The following ARSL variants were observed in gnomAD, a reference collection of about 807,000 sequenced individuals.
ARSL encodes the protein arylsulfatase L, also known as arylsulfatase E (chondrodysplasia punctata 1).
Under a neutral mutation model 31.1 loss-of-function variants are expected in ARSL, and 4 were observed. The ratio of observed to expected loss-of-function variants is 0.13; its 90% confidence interval spans 0.06 to 0.29. ARSL has a LOEUF of 0.29. Ranked by LOEUF, ARSL falls within the 10% of genes least tolerant of loss-of-function variation. The pLI, the probability that ARSL is intolerant of heterozygous loss-of-function variation, is 1.00. For missense variants in ARSL, 312 were observed against 497.8 expected, an observed-to-expected ratio of 0.63 and a Z score of 3.55; for synonymous variants, 198 against 209.9, an observed-to-expected ratio of 0.94 and a Z score of 0.49.
chrX:2,960,113 C>G (rs1162064915), intron 2 of ARSL, among the ~76,000 whole-genome samples: 7 of 95,226 alleles, frequency 7.4e-5, no homozygotes, highest in African/African-American at 2.7e-4. Flanking sequence ...ACTAAAAATA[C>G]AAAAAATTAG....
chrX:2,967,820 T>C (rs1334816571), upstream of ARSL, among the ~76,000 whole-genome samples: 1 of 111,019 alleles, frequency 9.0e-6, no homozygotes, highest in African/African-American at 3.3e-5. Flanking sequence ...CCAGTTTCGC[T>C]TTTCACCTCC....
At chrX:2,946,758 C>G (rs963114148) in intron 6 of ARSL, among the ~76,000 whole-genome samples, 2 of 110,326 alleles carry the variant, frequency 1.8e-5, no homozygotes, top group Non-Finnish European at 3.8e-5. Context: ...CAACCTCTGC[C>G]TCCCAGGTTC....
chrX:2,943,787 AT>A (rs957259799), intron 7 of ARSL, among the ~76,000 whole-genome samples: 3 of 100,890 alleles, frequency 3.0e-5, no homozygotes, highest in Non-Finnish European at 5.9e-5. Context: ...GCATGTGAAT[AT>A]TCCTGAGAAG....
At chrX:2,956,341 G>T (rs1324128342) in intron 3 of ARSL, among the ~76,000 whole-genome samples, 3 of 112,191 alleles carry the variant, frequency 2.7e-5, no homozygotes, top group Non-Finnish European at 3.8e-5. Context: ...TTCAGCAGGG[G>T]AGGATTGAAA....
chrX:2,961,696 T>C (rs2089637084), intron 1 of ARSL, among the ~76,000 whole-genome samples: 1 of 111,082 alleles, frequency 9.0e-6, no homozygotes, highest in South Asian at 3.8e-4. Flanking sequence ...ACCCTTCCAA[T>C]CCTGAAAAGA....
chrX:2,953,899 T>G (rs181252169), intron 4 of ARSL, among the ~76,000 whole-genome samples: 3 of 110,394 alleles, frequency 2.7e-5, no homozygotes, highest in Admixed American at 9.7e-5. Flanking sequence ...TTTTAATTTT[T>G]TGGCAGAGAC....
At chrX:2,947,206 A>G (rs1460230270) in intron 6 of ARSL, among the ~76,000 whole-genome samples, 1 of 111,101 alleles carries the variant, frequency 9.0e-6, no homozygotes, top group African/African-American at 3.3e-5. Flanking sequence ...ATAAATAAAT[A>G]AAAACCCACA....
chrX:2,949,462 A>C lies in ARSL; in HGVS notation c.696T>G (p.Leu232=), dbSNP rs761565198. Reference sequence around the variant, plus strand: ...AGCTTGCGAGGAGGAGGACGGCCGAAAGGGCTGACCAGATGACCGGCATCC... The same window carrying C: ...AGCTTGCGAGGAGGAGGACGGCCGACAGGGCTGACCAGATGACCGGCATCC... ...VSWMPVIWSA[L]SAVLLLASSY... Residue 232 remains leucine, a synonymous_variant, in exon 6 of 11, where the codon CTT becomes CTG. Transcript: ENST00000381134. 5.0e-6 allele frequency: 6 copies of C among 1,211,590 alleles called. No individual in the cohort carries two copies. Among genetic ancestry groups the C allele is most frequent in the Non-Finnish European group, 4.5e-6 (4 of 895,510 alleles).
chrX:2,966,191 C>T (rs1025774867), upstream of ARSL, among the ~76,000 whole-genome samples: 5 of 111,213 alleles, frequency 4.5e-5, no homozygotes, highest in African/African-American at 1.3e-4. Flanking sequence ...GGAGCTGACA[C>T]GCTGGCACAC....
chrX:2,943,873 C>T (rs1177806776), intron 7 of ARSL, among the ~76,000 whole-genome samples: 1 of 109,131 alleles, frequency 9.2e-6, no homozygotes, highest in Non-Finnish European at 1.9e-5. Context: ...CAAGGGAACT[C>T]ATGTCATTAA....
Position 2,934,821 on chromosome X carries a change from A to G in ARSL, c.*11T>C. 1.7e-6 allele frequency: 2 copies of G among 1,188,539 alleles called. No individual in the cohort carries two copies. The highest frequency in any genetic ancestry group is 2.3e-6 in the Non-Finnish European group (2 of 879,950). On this transcript the variant is annotated 3_prime_UTR_variant, in exon 11 of 11. Transcript: ENST00000381134. ...TTAGGAATCGGGGCTCCAGCTTTTC[A>G]CTGCAGACATTTATTGTGGGTCATC...
chrX:2,960,033 G>T (rs780674167), intron 2 of ARSL: 2 of 205,472 alleles, frequency 9.7e-6, no homozygotes, highest in Admixed American at 1.4e-4. Context: ...ACTTTGGGAG[G>T]CCGAGGCGGG....
At position 2,955,550 on chromosome X, in the gene ARSL, A is replaced by C. The variant is rs778446560; in HGVS notation, c.186-13T>G. 8.3e-7 allele frequency: 1 copy of C among 1,210,296 alleles called. No homozygotes were observed. ...AATATTCGGAGTCCTATGGAGGGAC[A>C]AATTAACAGCTTTACTTGTTAAAAT... On this transcript the variant is annotated splice_polypyrimidine_tract_variant and intron_variant, in intron 3 of 10. Transcript: ENST00000381134.
chrX:2,953,379 A>G, intron 4 of ARSL, 114 bp from the exon 5 acceptor site: 1 of 902,896 alleles, frequency 1.1e-6, no homozygotes, highest in Non-Finnish European at 1.5e-6. Context: ...ACTTAAAATT[A>G]AATTGAAAAT....
chrX:2,944,478 A>C (rs1381680530), intron 7 of ARSL, among the ~76,000 whole-genome samples: 20 of 109,128 alleles, frequency 1.8e-4, no homozygotes, highest in South Asian at 1.2e-3. Context: ...AAAAACAAAA[A>C]AAAAAAAACA....
intron 10 of ARSL, among the ~76,000 whole-genome samples, chrX:2,936,319 C>A (rs2089200474): frequency 9.1e-6 from 1 of 110,219 alleles, no homozygotes. Context: ...AAAATAATTA[C>A]AAAAAAATAA....
chrX:2,937,058 G>C (rs2089212035), intron 9 of ARSL, among the ~76,000 whole-genome samples, 195 bp from the exon 10 acceptor site: 1 of 112,396 alleles, frequency 8.9e-6, no homozygotes, highest in Admixed American at 9.4e-5. Context: ...GAATGCAGCA[G>C]CTGCCCACGT....
At chrX:2,937,001 C>T (rs1352981889) in intron 9 of ARSL, 138 bp from the exon 10 acceptor site, 36 of 865,574 alleles carry the variant, frequency 4.2e-5, no homozygotes, top group South Asian at 1.7e-4. Context: ...TGGGTGTGAA[C>T]GCAGATGGAT....
intron 6 of ARSL, among the ~76,000 whole-genome samples, 182 bp downstream of exon 6, chrX:2,949,122 G>T (rs920150063): frequency 1.8e-5 from 2 of 110,158 alleles, no homozygotes; most frequent in Non-Finnish European, 3.8e-5. Flanking sequence ...GTAGAGACGG[G>T]GTTTCACCAT....
Sources: gnomAD v4.1 joint callset for allele counts (sites outside exome capture counted in the v4.1 genomes callset) on GRCh38, gnomAD v4.1.1 for gene constraint, MANE v1.5 for transcripts, NCBI Gene and HGNC (gene_info 2026-07-23, HGNC 2026-07-21) for gene names.